Variants in SLC2A9 observed in about 807,000 individuals in gnomAD.
SLC2A9 encodes solute carrier family 2 member 9.
In SLC2A9, 39 loss-of-function variants were observed where a neutral mutation model predicts 50.6. The ratio of observed to expected loss-of-function variants is 0.77; its 90% CI spans 0.60 to 1.01. The LOEUF is 1.01. Among genes scored for constraint, SLC2A9 ranks in the 50% least tolerant of loss-of-function variants. The pLI is 0.00. For missense variants in SLC2A9, 686 were observed against 677.6 expected (o/e 1.01, Z -0.14); for synonymous variants, 324 against 276.9 (o/e 1.17, Z -1.69).
At chr4:9,847,997 C>A (rs1729250192) in intron 10 of SLC2A9, among the ~76,000 whole-genome samples, 2 of 152,108 alleles carry the variant, frequency 1.3e-5, no homozygotes, top group South Asian at 4.1e-4. Flanking sequence ...AGGCCAGCCC[C>A]AACCCAATAT....
intron 5 of SLC2A9, among the ~76,000 whole-genome samples, chr4:9,966,156 G>C (rs1303422096): frequency 6.6e-6 from 1 of 152,100 alleles, no homozygotes; most frequent in Non-Finnish European, 1.5e-5. Context: ...TAATGCCCTT[G>C]TGCCCTGCCA....
intron 3 of SLC2A9, among the ~76,000 whole-genome samples, chr4:9,789,196 G>A (rs1252525046): frequency 6.6e-6 from 1 of 152,154 alleles, no homozygotes; most frequent in African/African-American, 2.4e-5. Context: ...TCTAGTTCAT[G>A]AGACCTGGAA....
intron 10 of SLC2A9, chr4:9,880,419 C>T: frequency 5.1e-6 from 5 of 985,396 alleles, no homozygotes; most frequent in Non-Finnish European, 6.0e-6. Flanking sequence ...GTCCCATAGA[C>T]ACTGATGGGG....
chr4:10,020,681 G>A (rs887475511), intron 1 of SLC2A9, among the ~76,000 whole-genome samples: 1 of 152,192 alleles, frequency 6.6e-6, no homozygotes, highest in African/African-American at 2.4e-5. Context: ...CCCCTGGGCT[G>A]TGCTGGGCAT....
chr4:9,908,323 A>G lies in SLC2A9; in HGVS notation c.1025T>C (p.Ile342Thr), dbSNP rs1741064143. ...CGGAGGGATCCCAGCTTTTCCAAAGATGCTGTTGGTATAGAACCAAATCTG... is the reference window on the plus strand; with the variant it reads ...CGGAGGGATCCCAGCTTTTCCAAAGGTGCTGTTGGTATAGAACCAAATCTG... ...LNAIWFYTNS[I>T]FGKAGIPPAK... is the part of the protein sequence containing the mutation. Residue 342 changes from isoleucine to threonine, a missense_variant, in exon 8 of 12, where the codon ATC becomes ACC. Physicochemically the swap from Ile to Thr is moderately conservative, Grantham distance 89 (BLOSUM62 -1). Coordinates refer to ENST00000264784, the MANE Select transcript of SLC2A9 (RefSeq NM_020041.3). The G allele has an allele frequency of 6.2e-7, 1 of 1,613,314 alleles. No homozygotes were observed. The highest frequency in any genetic ancestry group is 1.3e-5 in the African/African-American group (1 of 74,914).
chr4:9,780,700 G>A (rs1470971870), intron 3 of SLC2A9, among the ~76,000 whole-genome samples: 1 of 152,202 alleles, frequency 6.6e-6, no homozygotes, highest in Non-Finnish European at 1.5e-5. Flanking sequence ...GCCAGTAGAG[G>A]CCGAAACACT....
chr4:9,889,174 G>A (rs925183133), intron 9 of SLC2A9, among the ~76,000 whole-genome samples: 3 of 151,686 alleles, frequency 2.0e-5, no homozygotes, highest in Admixed American at 6.6e-5. Context: ...GAGGCTTCCT[G>A]CAGGAAGAGG....
intron 5 of SLC2A9, among the ~76,000 whole-genome samples, chr4:9,971,554 A>T (rs1481282492): frequency 6.6e-6 from 1 of 152,144 alleles, no homozygotes; most frequent in Admixed American, 6.6e-5. Flanking sequence ...TTAGACACTA[A>T]CTCCAATTAC....
chr4:9,959,587 G>T (rs1462967676), intron 5 of SLC2A9, among the ~76,000 whole-genome samples: 1 of 152,226 alleles, frequency 6.6e-6, no homozygotes, highest in African/African-American at 2.4e-5. Context: ...CAGGGAGCTT[G>T]AGGGGGTGGG....
intron 3 of SLC2A9, among the ~76,000 whole-genome samples, chr4:9,791,645 G>A (rs1348474795): frequency 3.3e-5 from 5 of 152,184 alleles, no homozygotes; most frequent in African/African-American, 9.7e-5. Context: ...AAGAGGCCCA[G>A]TAGCAAGAAA....
intron 3 of SLC2A9, among the ~76,000 whole-genome samples, chr4:9,808,128 G>C (rs796485985): frequency 6.6e-6 from 1 of 152,176 alleles, no homozygotes; most frequent in African/African-American, 2.4e-5. Context: ...GGGCTGTCAC[G>C]GTGTCTTGGC....
chr4:9,818,328 T>C (rs946250217), intron 3 of SLC2A9, among the ~76,000 whole-genome samples: 2 of 152,224 alleles, frequency 1.3e-5, no homozygotes, highest in East Asian at 3.8e-4. Flanking sequence ...AAGTTTTTGT[T>C]TGGATAAAGT....
chr4:9,785,071 T>G (rs1719044384), intron 3 of SLC2A9, among the ~76,000 whole-genome samples: 1 of 152,218 alleles, frequency 6.6e-6, no homozygotes. Context: ...CGTGTTCAGT[T>G]TCTGACCTCC....
At chr4:9,830,599 T>C (rs2109109344) in intron 11 of SLC2A9, among the ~76,000 whole-genome samples, 1 of 152,356 alleles carries the variant, frequency 6.6e-6, no homozygotes, top group African/African-American at 2.4e-5. Flanking sequence ...GCACTCAGGA[T>C]ATGACCCAAT....
rs556159847 is a variant in SLC2A9, at chr4:9,994,650, G to A, written c.410+2131C>T. Among the ~76,000 whole-genome samples the A allele has an allele frequency of 4.0e-5, 6 of 149,264 alleles. No individual in the cohort carries two copies. In the South Asian group the frequency reaches 1.1e-3, roughly 26 times the overall value. The stretch of plus-strand genomic sequence containing the variant: ...TCATTTTATAGGTAAGAATAATGCT[G>A]GCTGAGAAGTGAGGTGTCAAAGTCC... On this transcript the variant is annotated intron_variant, in intron 3 of 11. Transcript: ENST00000264784.
At chr4:9,915,098 G>C (rs1209716753) in intron 7 of SLC2A9, among the ~76,000 whole-genome samples, 2 of 152,172 alleles carry the variant, frequency 1.3e-5, no homozygotes, top group Non-Finnish European at 2.9e-5. Flanking sequence ...GAGGGGTGAA[G>C]TGTCTCACCC....
chr4:9,941,832 C>A, intron 6 of SLC2A9, 81 bp downstream of exon 6: 2 of 1,584,294 alleles, frequency 1.3e-6, no homozygotes, highest in South Asian at 1.1e-5. Context: ...TTCCTGTGCC[C>A]ATTGGCCCAG....
intron 8 of SLC2A9, among the ~76,000 whole-genome samples, chr4:9,892,165 G>A (rs1024160627): frequency 4.1e-4 from 63 of 152,348 alleles, no homozygotes; most frequent in African/African-American, 1.5e-3. Context: ...AGCCGGCACT[G>A]AGGGGTGAGT....
chr4:9,891,284 C>T (rs1737369670), intron 8 of SLC2A9, among the ~76,000 whole-genome samples: 1 of 152,184 alleles, frequency 6.6e-6, no homozygotes, highest in Non-Finnish European at 1.5e-5. Flanking sequence ...TGTCACTGAC[C>T]TCCATCTGGC....
Sources: allele counts gnomAD v4.1 joint callset (sites outside exome capture counted in the v4.1 genomes callset), GRCh38; gene constraint gnomAD v4.1.1; transcripts MANE v1.5; gene names NCBI Gene and HGNC (gene_info 2026-07-23, HGNC 2026-07-21).